Variants in SLIT3 observed in about 807,000 individuals in gnomAD.
The protein encoded by SLIT3 is slit guidance ligand 3.
A neutral mutation model predicts 184.0 loss-of-function variants in SLIT3; 68 were observed. That is an observed-to-expected ratio of 0.37 (90% CI 0.30 to 0.45). The LOEUF (loss-of-function observed/expected upper bound fraction) is 0.45, where lower values mean the gene tolerates loss of function less well. SLIT3 is among the 20% of genes least tolerant of loss of function. The pLI is 1.00. For synonymous variants in SLIT3, 831 were observed against 828.6 expected (o/e 1.00, Z -0.05); for missense variants, 1,707 against 2,026.0 (o/e 0.84, Z 3.02).
At chr5:169,139,409 T>A (rs1003422767) in intron 4 of SLIT3, among the ~76,000 whole-genome samples, 9 of 152,228 alleles carry the variant, frequency 5.9e-5, no homozygotes, top group African/African-American at 2.2e-4. Context: ...TGTTATCTAA[T>A]CCTTACAGCT....
intron 4 of SLIT3, among the ~76,000 whole-genome samples, chr5:169,134,740 A>G (rs1456225436): frequency 6.6e-6 from 1 of 152,200 alleles, no homozygotes; most frequent in African/African-American, 2.4e-5. Context: ...CCTAGAACTT[A>G]AAGTATAATA....
At chr5:168,915,261 C>A (rs1455592362) in intron 4 of SLIT3, among the ~76,000 whole-genome samples, 1 of 152,142 alleles carries the variant, frequency 6.6e-6, no homozygotes, top group African/African-American at 2.4e-5. Flanking sequence ...AATTAAATAA[C>A]TGATTCAGGC....
chr5:168,850,380 C>T (rs773811853), intron 5 of SLIT3, among the ~76,000 whole-genome samples: 2 of 148,084 alleles, frequency 1.4e-5, no homozygotes, highest in African/African-American at 4.9e-5. Flanking sequence ...ATTTAAGTAT[C>T]CACAAAGACC....
At chr5:168,789,457 C>T in intron 11 of SLIT3, 103 bp downstream of exon 11, 2 of 824,210 alleles carry the variant, frequency 2.4e-6, no homozygotes, top group Non-Finnish European at 4.0e-6. Context: ...TGTAAGGGAA[C>T]ATAAAGTCTT....
At chr5:169,269,461 C>T (rs528952417) in intron 1 of SLIT3, among the ~76,000 whole-genome samples, 1 of 152,350 alleles carries the variant, frequency 6.6e-6, no homozygotes, top group African/African-American at 2.4e-5. Context: ...CCAGGCAGAT[C>T]CTCTGCACTC....
chr5:168,970,922 T>A lies in SLIT3; in HGVS notation c.414-87586A>T, dbSNP rs554398355. Among the ~76,000 whole-genome samples the A allele has an allele frequency of 3.3e-5, 5 of 152,334 alleles. No homozygotes were observed. In the South Asian group the frequency reaches 1.0e-3, roughly 32 times the overall value. ...TTTTATGCCAGGCATTTTGCAGGCATCAGCTTTGTGGTGGTAAATCAGACA... is the reference window on the plus strand; with the variant it reads ...TTTTATGCCAGGCATTTTGCAGGCAACAGCTTTGTGGTGGTAAATCAGACA... On this transcript the variant is annotated intron_variant, in intron 4 of 35. Coordinates refer to ENST00000519560, the MANE Select transcript of SLIT3 (RefSeq NM_003062.4).
intron 4 of SLIT3, among the ~76,000 whole-genome samples, chr5:168,992,116 C>T (rs933007540): frequency 1.3e-5 from 2 of 152,258 alleles, no homozygotes; most frequent in Non-Finnish European, 2.9e-5. Flanking sequence ...TGCCATTGGA[C>T]TTGGCCCCTG....
At position 168,665,039 on chromosome 5, in the gene SLIT3, A is replaced by C. The variant is rs1232716323; in HGVS notation, c.*1415T>G. The C allele has an allele frequency of 1.3e-5, 2 of 152,232 alleles. No individual in the cohort carries two copies. The highest frequency in any genetic ancestry group is 4.8e-5 in the African/African-American group (2 of 41,444). 9.4% of individuals were successfully genotyped at this position (152,232 alleles called of 1,614,324 possible). On this transcript the variant is annotated 3_prime_UTR_variant, in exon 36 of 36. Transcript: ENST00000519560. ...CCGGCAGGGCTGCTCTGATGGATTT[A>C]AGCCGCCTGAATCACCTGTGCTCAC... is the stretch of plus-strand genomic sequence containing the variant.
chr5:168,893,361 C>T (rs1362172736), intron 4 of SLIT3, among the ~76,000 whole-genome samples: 6 of 152,160 alleles, frequency 3.9e-5, no homozygotes, highest in African/African-American at 1.4e-4. Context: ...ATACTGGTCC[C>T]CACCCCCTCT....
chr5:168,827,753 G>A (rs1561954569), intron 6 of SLIT3, among the ~76,000 whole-genome samples: 4 of 152,170 alleles, frequency 2.6e-5, no homozygotes, highest in African/African-American at 7.2e-5. Context: ...GGCTCCCCAG[G>A]CGGGATGAAT....
intron 4 of SLIT3, among the ~76,000 whole-genome samples, chr5:169,144,451 C>T (rs902010826): frequency 1.3e-5 from 2 of 152,212 alleles, no homozygotes; most frequent in Non-Finnish European, 2.9e-5. Context: ...CATTAACATC[C>T]GGCTCTCCCA....
At chr5:168,979,359 T>A (rs1754874334) in intron 4 of SLIT3, among the ~76,000 whole-genome samples, 2 of 152,110 alleles carry the variant, frequency 1.3e-5, no homozygotes, top group Non-Finnish European at 2.9e-5. Flanking sequence ...CAAGACATAG[T>A]GGAAAAGAGG....
chr5:168,717,850 C>T (rs559106051), intron 23 of SLIT3, among the ~76,000 whole-genome samples: 8 of 152,088 alleles, frequency 5.3e-5, no homozygotes, highest in South Asian at 4.2e-4. Flanking sequence ...TTAGTGGAGA[C>T]GAGGTTTCAC....
At chr5:169,271,412 A>T (rs940334097) in intron 1 of SLIT3, among the ~76,000 whole-genome samples, 6 of 152,158 alleles carry the variant, frequency 3.9e-5, no homozygotes, top group African/African-American at 1.4e-4. Flanking sequence ...ACTCTCAGAC[A>T]GTGGGCTATT....
intron 4 of SLIT3, among the ~76,000 whole-genome samples, chr5:169,038,976 G>A (rs955890974): frequency 1.6e-4 from 25 of 152,164 alleles, no homozygotes; most frequent in African/African-American, 5.8e-4. Flanking sequence ...AAAAAAGCAT[G>A]GAGAAAAGAT....
chr5:168,975,918 G>C (rs113862720), intron 4 of SLIT3, among the ~76,000 whole-genome samples: 2 of 152,192 alleles, frequency 1.3e-5, no homozygotes, highest in African/African-American at 2.4e-5. Flanking sequence ...GAGCAGTACA[G>C]AGATTAACTT....
intron 4 of SLIT3, among the ~76,000 whole-genome samples, chr5:168,940,699 T>C (rs1237543771): frequency 6.6e-6 from 1 of 152,220 alleles, no homozygotes; most frequent in African/African-American, 2.4e-5. Context: ...ATCTTCCAGA[T>C]ATTAAATCTG....
At chr5:168,948,829 T>C (rs1762564633) in intron 4 of SLIT3, among the ~76,000 whole-genome samples, 1 of 152,208 alleles carries the variant, frequency 6.6e-6, no homozygotes, top group South Asian at 2.1e-4. Context: ...ACCGCAGGGC[T>C]CTGCTAAAGT....
chr5:169,143,563 C>A (rs931985843), intron 4 of SLIT3, among the ~76,000 whole-genome samples: 4 of 152,188 alleles, frequency 2.6e-5, no homozygotes, highest in Non-Finnish European at 1.5e-5. Context: ...CTTCGGGAGG[C>A]CGAGGTGGGT....
Sources: gnomAD v4.1 joint callset for allele counts (sites outside exome capture counted in the v4.1 genomes callset) on GRCh38, gnomAD v4.1.1 for gene constraint, MANE v1.5 for transcripts, NCBI Gene and HGNC (gene_info 2026-07-23, HGNC 2026-07-21) for gene names.